The following ATG7 variants were observed in gnomAD, a reference collection of about 807,000 sequenced individuals.
ATG7 encodes the protein autophagy related 7.
A neutral mutation model predicts 82.4 loss-of-function variants in ATG7; 70 were observed. The ratio of observed to expected loss-of-function variants is 0.85; its 90% CI spans 0.70 to 1.04. The LOEUF (loss-of-function observed/expected upper bound fraction) is 1.04, where lower values mean the gene tolerates loss of function less well. Among genes scored for constraint, ATG7 ranks in the 50% least tolerant of loss-of-function variants. The pLI is 0.00. For missense variants in ATG7, 792 were observed against 864.3 expected (o/e 0.92, Z 1.05); for synonymous variants, 287 against 313.0 (o/e 0.92, Z 0.88).
At chr3:11,564,871 G>A in the ATG7 span, 1 of 1,608,922 alleles carries the variant, frequency 6.2e-7, no homozygotes, top group Non-Finnish European at 8.5e-7. Context: ...TTCTTGGTCA[G>A]TGCGAGGGGC....
chr3:11,475,838 G>C (rs1200938086), intron 20 of ATG7, among the ~76,000 whole-genome samples: 1 of 140,988 alleles, frequency 7.1e-6, no homozygotes, highest in Non-Finnish European at 1.5e-5. Context: ...CTTAACTTTG[G>C]TTCGTCTATG....
At position 11,417,180 on chromosome 3, in the gene ATG7, T is replaced by C. The variant is rs1379520603; in HGVS notation, c.1957-9624T>C. On this transcript the variant is annotated intron_variant, in intron 19 of 20. Transcript: ENST00000693202. ...TTGGATGAAAGAGAGAGGTGAATTCTATCCAGTTGATTAATAAATAGTGTT... is the reference window on the plus strand; with the variant it reads ...TTGGATGAAAGAGAGAGGTGAATTCCATCCAGTTGATTAATAAATAGTGTT... Among the ~76,000 whole-genome samples the C allele has an allele frequency of 2.0e-5, 3 of 152,218 alleles. No individual in the cohort carries two copies. In the East Asian group the frequency reaches 5.8e-4, roughly 29 times the overall value.
At chr3:11,573,264 AAAGAAAGAAAG>A in the ATG7 span, among the ~76,000 whole-genome samples, 1 of 19,868 alleles carries the variant, frequency 5.0e-5, no homozygotes, top group Admixed American at 6.6e-4. Context: ...AGAAAGAAAG[AAAGAAAGAAAG>A]AAAGAAAGAA....
intron 5 of ATG7, among the ~76,000 whole-genome samples, 162 bp from the exon 6 acceptor site, chr3:11,306,780 TC>T (rs1361102031): frequency 1.3e-5 from 2 of 152,146 alleles, no homozygotes; most frequent in East Asian, 3.9e-4. Flanking sequence ...GTTTTTTAGT[TC>T]TTGAGTTATG....
chr3:11,410,991 C>T (rs901833212), intron 19 of ATG7, among the ~76,000 whole-genome samples: 2 of 152,102 alleles, frequency 1.3e-5, no homozygotes, highest in Non-Finnish European at 2.9e-5. Context: ...TAATAATTCT[C>T]TTTTAATTTT....
chr3:11,573,303 GAAAGGAAGGAAGGAAGAAAGAAAGA>G, the ATG7 span, among the ~76,000 whole-genome samples: 6 of 23,312 alleles, frequency 2.6e-4, 2 homozygotes, highest in South Asian at 2.3e-3. Flanking sequence ...AAGAAAGAAA[GAAAGGAAGGAAGGAAGAAAGAAAGA>G]AAGAAAGAAA....
chr3:11,422,787 C>T (rs2082053752), intron 19 of ATG7, among the ~76,000 whole-genome samples: 1 of 112,618 alleles, frequency 8.9e-6, no homozygotes, highest in African/African-American at 3.5e-5. Context: ...GAGTCTCACT[C>T]CGTTGCCCAG....
intron 3 of ATG7, among the ~76,000 whole-genome samples, chr3:11,294,370 T>C (rs1413181847): frequency 6.7e-6 from 1 of 149,262 alleles, no homozygotes. Context: ...ACAGGTGCAC[T>C]CCACTACACC....
At chr3:11,444,438 A>G (rs1418586540) in intron 20 of ATG7, among the ~76,000 whole-genome samples, 1 of 152,204 alleles carries the variant, frequency 6.6e-6, no homozygotes, top group Non-Finnish European at 1.5e-5. Context: ...ACACTGTCAT[A>G]TCTAAGATTT....
In ATG7 at chr3:11,475,868, G is replaced by GACACACACACACACACACAC. The variant is rs3219674; in HGVS notation, c.2079+48963_2079+48982dup. On this transcript the variant is annotated intron_variant, in intron 20 of 20. Coordinates refer to ENST00000693202, the MANE Select transcript of ATG7 (RefSeq NM_001349232.2). The stretch of plus-strand genomic sequence containing the variant: ...TCTATGTCCATCTCTCTGTCTCTGA[G>GACACACACACACACACACAC]ACACACACACACACACACACACACA... Among the ~76,000 whole-genome samples the GACACACACACACACACACAC allele has an allele frequency of 6.3e-3, 695 of 111,148 alleles. 3 individuals carry two copies. Among genetic ancestry groups the GACACACACACACACACACAC allele is most frequent in the East Asian group, 0.015 (55 of 3,650 alleles). The allele number at this position is 111,148 out of a possible 152,430, so 72.9% of individuals were successfully genotyped here.
intron 8 of ATG7, among the ~76,000 whole-genome samples, chr3:11,314,954 T>C (rs1015002768): frequency 6.6e-6 from 1 of 152,072 alleles, no homozygotes. Context: ...TTGTATGGTA[T>C]GTTAGTCATG....
chr3:11,348,008 C>G lies in ATG7; in HGVS notation c.1257C>G (p.Asp419Glu). 1 of 1,613,890 alleles carries G rather than the reference C, an allele frequency of 6.2e-7. No homozygotes were observed. The highest frequency in any genetic ancestry group is 1.7e-4 in the Middle Eastern group (1 of 6,054). Residue 419 changes from aspartate to glutamate, a missense_variant, in exon 14 of 21, where the codon GAC becomes GAG. Transcript: ENST00000693202. ...AGCCCAAGGCTCTGGCAGCAGCGGA[C>G]CGGCTCCAGAAAATATTCCCCGGTG... Reference protein sequence around the residue: ...GGKPKALAAADRLQKIFPGVN... With the variant: ...GGKPKALAAAERLQKIFPGVN...
chr3:11,427,887 T>C (rs1177129846), intron 20 of ATG7, among the ~76,000 whole-genome samples: 1 of 151,938 alleles, frequency 6.6e-6, no homozygotes, highest in Non-Finnish European at 1.5e-5. Flanking sequence ...CTGTGTATGG[T>C]GGTAGAGCTA....
intron 20 of ATG7, among the ~76,000 whole-genome samples, chr3:11,436,316 C>T (rs2083365413): frequency 1.3e-5 from 2 of 152,132 alleles, no homozygotes; most frequent in South Asian, 4.1e-4. Context: ...AAAATGACAA[C>T]ATCCAATGTT....
chr3:11,361,880 G>A (rs1394712458), intron 16 of ATG7, among the ~76,000 whole-genome samples: 1 of 152,206 alleles, frequency 6.6e-6, no homozygotes, highest in Non-Finnish European at 1.5e-5. Flanking sequence ...ACGATTTCCA[G>A]TGAAACAATG....
At chr3:11,390,415 C>T (rs574429721) in intron 19 of ATG7, among the ~76,000 whole-genome samples, 1 of 152,216 alleles carries the variant, frequency 6.6e-6, no homozygotes, top group African/African-American at 2.4e-5. Context: ...TCACTAGTTG[C>T]TATTTTTGAT....
chr3:11,297,419 G>C (rs949291735), intron 3 of ATG7, among the ~76,000 whole-genome samples: 1 of 152,286 alleles, frequency 6.6e-6, no homozygotes, highest in Non-Finnish European at 1.5e-5. Flanking sequence ...ATGTCTGGTT[G>C]TGGGGTAATT....
At chr3:11,350,244 T>C (rs2075435770) in intron 14 of ATG7, among the ~76,000 whole-genome samples, 1 of 152,226 alleles carries the variant, frequency 6.6e-6, no homozygotes, top group African/African-American at 2.4e-5. Flanking sequence ...CCACCCACTG[T>C]GTAGCCAGCT....
At chr3:11,344,089 A>G (rs1954101517) in intron 13 of ATG7, among the ~76,000 whole-genome samples, 1 of 152,114 alleles carries the variant, frequency 6.6e-6, no homozygotes, top group African/African-American at 2.4e-5. Flanking sequence ...TTCTCCCGTT[A>G]AACTTTCCAG....
Sources: allele counts gnomAD v4.1 joint callset (sites outside exome capture counted in the v4.1 genomes callset), GRCh38; gene constraint gnomAD v4.1.1; transcripts MANE v1.5; gene names NCBI Gene and HGNC (gene_info 2026-07-23, HGNC 2026-07-21).